STK32B: variants seen among roughly 807,000 people sequenced by gnomAD.
STK32B encodes serine/threonine kinase 32B.
STK32B carries 43 observed loss-of-function variants against 52.6 expected under a neutral mutation model. The observed-to-expected ratio is 0.82, with a 90% confidence interval of 0.64 to 1.05. STK32B has a LOEUF of 1.05. Ranked by LOEUF, STK32B falls within the 50% of genes least tolerant of loss-of-function variation. The pLI is 0.00. For missense variants in STK32B, 621 were observed against 534.6 expected (o/e 1.16, Z -1.59); for synonymous variants, 238 against 204.3 (o/e 1.17, Z -1.41).
At chr4:5,479,203 T>A (rs1164181190) in intron 11 of STK32B, among the ~76,000 whole-genome samples, 2 of 147,372 alleles carry the variant, frequency 1.4e-5, no homozygotes, top group Non-Finnish European at 3.0e-5. Flanking sequence ...CACTGCAACC[T>A]CCGCCTCCCG....
chr4:5,153,393 T>C (rs889899265), intron 2 of STK32B, among the ~76,000 whole-genome samples: 9 of 152,104 alleles, frequency 5.9e-5, no homozygotes, highest in Non-Finnish European at 1.0e-4. Context: ...TTTAGGTTCT[T>C]ATGTGAGAAT....
rs141635075 is a variant in STK32B, at chr4:5,495,482, T to G, written c.1107-3463T>G. Among the ~76,000 whole-genome samples, 466 of 152,300 alleles carry G rather than the reference T, an allele frequency of 3.1e-3. 3 individuals carry two copies. The highest frequency in any genetic ancestry group is 0.011 in the African/African-American group (439 of 41,564). On this transcript the variant is annotated intron_variant, in intron 11 of 11. Transcript: ENST00000282908. ...TATTCTAGTTATACATTCGTCTGAA[T>G]TTTTTTCAAAGTTTTCAACTTCTTT...
At chr4:5,169,569 T>G (rs1719174609) in intron 3 of STK32B, among the ~76,000 whole-genome samples, 1 of 152,054 alleles carries the variant, frequency 6.6e-6, no homozygotes, top group African/African-American at 2.4e-5. Context: ...AAAATCAAGG[T>G]GTGCGTGCCA....
chr4:5,034,867 G>A, the STK32B span, among the ~76,000 whole-genome samples: 3 of 152,196 alleles, frequency 2.0e-5, no homozygotes, highest in Non-Finnish European at 4.4e-5. Flanking sequence ...CTGGGGTAAT[G>A]TCAGTAGCAC....
intron 3 of STK32B, among the ~76,000 whole-genome samples, chr4:5,237,874 C>G (rs1724739205): frequency 6.6e-6 from 1 of 152,094 alleles, no homozygotes; most frequent in Admixed American, 6.5e-5. Context: ...TTTTCCCCAT[C>G]TGACTATTAT....
intron 3 of STK32B, among the ~76,000 whole-genome samples, chr4:5,252,230 T>C (rs1560261988): frequency 6.6e-6 from 1 of 152,180 alleles, no homozygotes; most frequent in Non-Finnish European, 1.5e-5. Flanking sequence ...TGCCAAAGAT[T>C]TGTCATTATT....
At chr4:5,176,009 C>A (rs1719850541) in intron 3 of STK32B, among the ~76,000 whole-genome samples, 1 of 152,230 alleles carries the variant, frequency 6.6e-6, no homozygotes, top group Non-Finnish European at 1.5e-5. Flanking sequence ...GGTGGGCGCC[C>A]CTCCCCAAGC....
At chr4:5,372,048 C>T (rs1735280238) in intron 4 of STK32B, among the ~76,000 whole-genome samples, 1 of 152,236 alleles carries the variant, frequency 6.6e-6, no homozygotes, top group South Asian at 2.1e-4. Context: ...CACACTCATG[C>T]CTGCAGGCAG....
chr4:5,446,025 G>A (rs1293924272), intron 6 of STK32B, among the ~76,000 whole-genome samples: 1 of 152,122 alleles, frequency 6.6e-6, no homozygotes, highest in East Asian at 1.9e-4. Context: ...CTCACTCTGG[G>A]TTTACCCCAC....
intron 3 of STK32B, among the ~76,000 whole-genome samples, chr4:5,299,206 C>G (rs1050861019): frequency 2.0e-5 from 3 of 152,060 alleles, no homozygotes; most frequent in Non-Finnish European, 1.5e-5. Flanking sequence ...TTGCGTTGGT[C>G]TCGCTGGGAG....
intron 11 of STK32B, among the ~76,000 whole-genome samples, chr4:5,486,535 G>A (rs1410937634): frequency 3.9e-5 from 6 of 152,216 alleles, no homozygotes; most frequent in African/African-American, 1.4e-4. Context: ...CGCTTCCAAG[G>A]TGAGGCGATG....
chr4:5,044,725 A>C, the STK32B span, among the ~76,000 whole-genome samples: 1 of 152,090 alleles, frequency 6.6e-6, no homozygotes, highest in African/African-American at 2.4e-5. Context: ...TGGGAAACAC[A>C]GTGAGACCCC....
intron 3 of STK32B, among the ~76,000 whole-genome samples, chr4:5,312,257 G>GT (rs144734513): frequency 0.16 from 23,206 of 147,578 alleles, 2,347 homozygotes; most frequent in African/African-American, 0.28. Context: ...CTTACGTTTA[G>GT]TTTTTTTTTT....
intron 1 of STK32B, among the ~76,000 whole-genome samples, chr4:5,053,053 A>G (rs549665819): frequency 9.8e-5 from 15 of 152,312 alleles, no homozygotes; most frequent in Admixed American, 2.0e-4. Context: ...TGCGTACATC[A>G]TGGATGGCTT....
chr4:5,303,783 T>C (rs992842649), intron 3 of STK32B, among the ~76,000 whole-genome samples: 2 of 152,118 alleles, frequency 1.3e-5, no homozygotes, highest in Admixed American at 6.6e-5. Flanking sequence ...GATTTTCCAA[T>C]GTTTTCTTCT....
At chr4:5,312,736 A>G (rs533579402) in intron 3 of STK32B, among the ~76,000 whole-genome samples, 4,294 of 151,800 alleles carry the variant, frequency 0.028, 193 homozygotes, top group African/African-American at 0.097. Flanking sequence ...GAATAGTGCC[A>G]CAATAAACAT....
chr4:5,403,304 G>A (rs1737435265), intron 5 of STK32B, among the ~76,000 whole-genome samples: 1 of 152,096 alleles, frequency 6.6e-6, no homozygotes, highest in South Asian at 2.1e-4. Flanking sequence ...CAGACAACTA[G>A]AGACAGCCCC....
chr4:5,092,548 AAAG>A (rs1166841403), intron 1 of STK32B, among the ~76,000 whole-genome samples: 10 of 152,020 alleles, frequency 6.6e-5, no homozygotes, highest in Non-Finnish European at 1.2e-4. Flanking sequence ...AAAAAAAAAA[AAAG>A]AAGAAGAAAA....
intron 4 of STK32B, among the ~76,000 whole-genome samples, chr4:5,379,350 T>C (rs893476649): frequency 6.6e-6 from 1 of 152,118 alleles, no homozygotes; most frequent in African/African-American, 2.4e-5. Context: ...GCTGACTGCG[T>C]GCTCCCCTCC....
Sources: allele counts gnomAD v4.1 joint callset (sites outside exome capture counted in the v4.1 genomes callset), GRCh38; gene constraint gnomAD v4.1.1; transcripts MANE v1.5; gene names NCBI Gene and HGNC (gene_info 2026-07-23, HGNC 2026-07-21).